LRMDA: variants seen among roughly 807,000 people sequenced by gnomAD.
LRMDA encodes the protein leucine rich melanocyte differentiation associated.
A neutral mutation model predicts 29.8 loss-of-function variants in LRMDA; 18 were observed. The ratio of observed to expected loss-of-function variants is 0.60; its 90% CI spans 0.42 to 0.90. The LOEUF (loss-of-function observed/expected upper bound fraction) is 0.90. LRMDA is among the 40% of genes least tolerant of loss of function. LRMDA has a pLI of 0.00. For missense variants in LRMDA, 273 were observed against 273.9 expected (o/e 1.00, Z 0.02); for synonymous variants, 125 against 109.4 (o/e 1.14, Z -0.89).
At chr10:75,575,285 C>T (rs551895408) in intron 2 of LRMDA, among the ~76,000 whole-genome samples, 37 of 152,334 alleles carry the variant, frequency 2.4e-4, no homozygotes, top group Non-Finnish European at 1.2e-4. Flanking sequence ...AATCTCATGT[C>T]CTTCTCACAT....
intron 2 of LRMDA, among the ~76,000 whole-genome samples, chr10:75,507,481 A>G (rs534009166): frequency 2.2e-4 from 34 of 152,320 alleles, no homozygotes; most frequent in South Asian, 1.7e-3. Context: ...TGGTGTCCCA[A>G]TGAGTTTTTT....
intron 6 of LRMDA, among the ~76,000 whole-genome samples, chr10:76,359,757 A>G (rs1841288686): frequency 1.3e-5 from 2 of 152,364 alleles, no homozygotes; most frequent in South Asian, 4.1e-4. Flanking sequence ...GAAAGAAGGC[A>G]TACACTGATG....
At chr10:76,344,802 A>G (rs1841082081) in intron 6 of LRMDA, among the ~76,000 whole-genome samples, 1 of 151,960 alleles carries the variant, frequency 6.6e-6, no homozygotes. Flanking sequence ...GCCATTCAGT[A>G]TAAGTTTGGG....
In LRMDA at chr10:75,431,766, CCAGCCCCG is replaced by C. The variant is rs1844199979; in HGVS notation, c.30+14_30+21del. ...TGCGTGGAACTCAAGTAAGTCCCGG[CCAGCCCCG>C]CCTCCGCCCGGGGCGCAGTCCGCGT... On this transcript the variant is annotated intron_variant, in intron 1 of 6. Coordinates refer to ENST00000611255, the MANE Select transcript of LRMDA (RefSeq NM_001305581.2). 2.2e-6 allele frequency: 3 copies of C among 1,362,556 alleles called. No individual in the cohort carries two copies. In the East Asian group the frequency reaches 9.2e-5, roughly 42 times the overall value. The allele number at this position is 1,362,556 out of a possible 1,614,324, so 84.4% of individuals were successfully genotyped here.
intron 5 of LRMDA, among the ~76,000 whole-genome samples, chr10:76,239,183 G>A (rs1852222072): frequency 6.6e-6 from 1 of 152,146 alleles, no homozygotes; most frequent in East Asian, 1.9e-4. Context: ...TTGGGTGATA[G>A]GGGGTGGCCA....
chr10:76,380,656 A>G lies in LRMDA; in HGVS notation c.601+56171A>G, dbSNP rs547345907. Among the ~76,000 whole-genome samples the G allele has an allele frequency of 2.9e-3, 432 of 149,596 alleles. 3 individuals carry two copies. Among genetic ancestry groups the G allele is most frequent in the African/African-American group, 1.0e-2 (404 of 40,416 alleles). On this transcript the variant is annotated intron_variant, in intron 6 of 6. Coordinates refer to ENST00000611255, the MANE Select transcript of LRMDA (RefSeq NM_001305581.2). ...TGCACTCCAGCCTGGGCGACAGAGC[A>G]AGACTCCACTTCATAAAAAAAAAAA...
At chr10:75,685,533 A>G (rs933936745) in intron 2 of LRMDA, among the ~76,000 whole-genome samples, 1 of 152,190 alleles carries the variant, frequency 6.6e-6, no homozygotes, top group Non-Finnish European at 1.5e-5. Context: ...ATTCATATCC[A>G]TTTATTCATC....
At chr10:76,437,052 A>C (rs2132288027) in intron 6 of LRMDA, among the ~76,000 whole-genome samples, 1 of 152,294 alleles carries the variant, frequency 6.6e-6, no homozygotes, top group Admixed American at 6.5e-5. Context: ...GATGGCACAG[A>C]CCCAGTGGTC....
chr10:76,115,792 G>T (rs1365741236), intron 5 of LRMDA, among the ~76,000 whole-genome samples: 1 of 152,154 alleles, frequency 6.6e-6, no homozygotes, highest in Non-Finnish European at 1.5e-5. Flanking sequence ...GTCAGAACAG[G>T]TGGAAGTGAC....
chr10:76,297,229 C>T (rs1459951060), intron 5 of LRMDA, among the ~76,000 whole-genome samples: 1 of 152,196 alleles, frequency 6.6e-6, no homozygotes, highest in Non-Finnish European at 1.5e-5. Flanking sequence ...CATTGTAAAT[C>T]GCAAATATTC....
In LRMDA at chr10:75,748,770, A is replaced by G. The variant is rs542882937; in HGVS notation, c.132-287238A>G. ...AATAGGACAGAATAGAAAATATCAG[A>G]GTTCAATAATATAATGTTCAATATA... On this transcript the variant is annotated intron_variant, in intron 2 of 6. Coordinates refer to ENST00000611255, the MANE Select transcript of LRMDA (RefSeq NM_001305581.2). Among the ~76,000 whole-genome samples, 26 of 152,364 alleles carry G rather than the reference A, an allele frequency of 1.7e-4. No individual in the cohort carries two copies. In the South Asian group the frequency reaches 4.3e-3, roughly 25 times the overall value.
intron 2 of LRMDA, among the ~76,000 whole-genome samples, chr10:76,029,602 T>C (rs1017156609): frequency 6.6e-6 from 1 of 152,238 alleles, no homozygotes; most frequent in Non-Finnish European, 1.5e-5. Flanking sequence ...ATCTACCTTC[T>C]TACCTCCTTT....
At chr10:76,505,421 A>G (rs530793990) in intron 6 of LRMDA, among the ~76,000 whole-genome samples, 14 of 152,042 alleles carry the variant, frequency 9.2e-5, no homozygotes, top group Non-Finnish European at 1.9e-4. Context: ...TGGTCTCTTT[A>G]TATAACCATA....
intron 2 of LRMDA, among the ~76,000 whole-genome samples, chr10:75,797,644 A>G (rs1843675412): frequency 1.3e-5 from 2 of 152,102 alleles, no homozygotes; most frequent in Admixed American, 1.3e-4. Context: ...ATAATACAAT[A>G]TGTGGTGTTG....
At chr10:75,560,878 T>G (rs925846052) in intron 2 of LRMDA, among the ~76,000 whole-genome samples, 47 of 152,172 alleles carry the variant, frequency 3.1e-4, no homozygotes, top group African/African-American at 1.0e-3. Flanking sequence ...ATCCCAGGGA[T>G]GAAGCCCACT....
At chr10:76,322,141 A>G (rs1840779238) in intron 5 of LRMDA, among the ~76,000 whole-genome samples, 1 of 152,206 alleles carries the variant, frequency 6.6e-6, no homozygotes. Context: ...TTTCAAGGCA[A>G]GTTCTTTATT....
chr10:75,716,692 C>T (rs1362973347), intron 2 of LRMDA, among the ~76,000 whole-genome samples: 1 of 152,148 alleles, frequency 6.6e-6, no homozygotes, highest in African/African-American at 2.4e-5. Context: ...TGGGAGGGCC[C>T]TCCTCCCTGC....
chr10:76,548,881 G>T (rs1843453770), intron 6 of LRMDA, among the ~76,000 whole-genome samples: 1 of 152,144 alleles, frequency 6.6e-6, no homozygotes, highest in African/African-American at 2.4e-5. Flanking sequence ...ATGTGGAAAG[G>T]ACTGAATGGC....
chr10:75,518,585 C>T lies in LRMDA; in HGVS notation c.131+80091C>T, dbSNP rs186932130. 9.5e-3 allele frequency among the ~76,000 whole-genome samples: 1,441 copies of T among 152,118 alleles called. 19 individuals carry two copies. Among genetic ancestry groups the T allele is most frequent in the African/African-American group, 0.031 (1,273 of 41,494 alleles). ...TTTTTATTGTGTCTATTCGATTCTT[C>T]TCTCTTTTCTTCTTTATTAGTCTTG... is the stretch of plus-strand genomic sequence containing the variant. On this transcript the variant is annotated intron_variant, in intron 2 of 6. Coordinates refer to ENST00000611255, the MANE Select transcript of LRMDA (RefSeq NM_001305581.2).
Sources: gnomAD v4.1 joint callset for allele counts (sites outside exome capture counted in the v4.1 genomes callset) on GRCh38, gnomAD v4.1.1 for gene constraint, MANE v1.5 for transcripts, NCBI Gene and HGNC (gene_info 2026-07-23, HGNC 2026-07-21) for gene names.